PCDH17: variants seen among roughly 807,000 people sequenced by gnomAD.
PCDH17 encodes protocadherin 17.
PCDH17 carries 21 observed loss-of-function variants against 67.7 expected under a neutral mutation model. The ratio of observed to expected loss-of-function variants is 0.31; its 90% CI spans 0.22 to 0.45. PCDH17 has a LOEUF of 0.45. Among genes scored for constraint, PCDH17 ranks in the 20% least tolerant of loss-of-function variants. PCDH17 has a pLI of 1.00. For synonymous variants in PCDH17, 701 were observed against 656.7 expected, an observed-to-expected ratio of 1.07 and a Z score of -1.03; for missense variants, 1,471 against 1,564.8, an observed-to-expected ratio of 0.94 and a Z score of 1.01.
chr13:57,694,122 G>A (rs560069642), intron 3 of PCDH17, among the ~76,000 whole-genome samples: 1 of 151,290 alleles, frequency 6.6e-6, no homozygotes, highest in African/African-American at 2.4e-5. Flanking sequence ...ATTTGGCAAA[G>A]TTGAGTATTG....
intron 3 of PCDH17, among the ~76,000 whole-genome samples, chr13:57,700,321 C>CT (rs1238464454): frequency 0.055 from 7,588 of 137,850 alleles, 306 homozygotes; most frequent in African/African-American, 0.11. Flanking sequence ...CTCTCTCTCT[C>CT]TTTTTTTTTT....
At chr13:57,721,378 T>C (rs1436474891) in intron 3 of PCDH17, among the ~76,000 whole-genome samples, 1 of 151,362 alleles carries the variant, frequency 6.6e-6, no homozygotes, top group Non-Finnish European at 1.5e-5. Flanking sequence ...CTGGTGTATA[T>C]ATTGAATATA....
intron 1 of PCDH17, among the ~76,000 whole-genome samples, chr13:57,641,781 G>A (rs1041068737): frequency 6.7e-6 from 1 of 149,964 alleles, no homozygotes; most frequent in Admixed American, 6.7e-5. Context: ...TGATTGGCGC[G>A]TTTGCATATA....
intron 3 of PCDH17, among the ~76,000 whole-genome samples, chr13:57,709,123 ATT>A (rs1955749910): frequency 6.6e-6 from 1 of 150,772 alleles, no homozygotes; most frequent in South Asian, 2.1e-4. Context: ...ATATATATAT[ATT>A]TCTCATTGCT....
intron 3 of PCDH17, among the ~76,000 whole-genome samples, chr13:57,693,028 C>A (rs552874802): frequency 6.0e-5 from 9 of 150,552 alleles, no homozygotes; most frequent in Non-Finnish European, 1.0e-4. Flanking sequence ...AATTTCTCAG[C>A]TTTTCCATAG....
At chr13:57,653,509 A>G (rs944683773) in intron 1 of PCDH17, among the ~76,000 whole-genome samples, 1 of 152,198 alleles carries the variant, frequency 6.6e-6, no homozygotes, top group Non-Finnish European at 1.5e-5. Flanking sequence ...ATACTTACTC[A>G]TATTGAAACC....
At chr13:57,652,308 C>T (rs1325388596) in intron 1 of PCDH17, among the ~76,000 whole-genome samples, 3 of 147,118 alleles carry the variant, frequency 2.0e-5, no homozygotes, top group Admixed American at 6.8e-5. Context: ...AAAAAGAACA[C>T]TTACGACTAT....
At chr13:57,712,706 C>A (rs1955787257) in intron 3 of PCDH17, among the ~76,000 whole-genome samples, 1 of 151,320 alleles carries the variant, frequency 6.6e-6, no homozygotes, top group African/African-American at 2.4e-5. Flanking sequence ...AAGAAAAACT[C>A]AAATATAGCA....
intron 3 of PCDH17, among the ~76,000 whole-genome samples, chr13:57,707,662 G>A (rs1399834433): frequency 6.6e-6 from 1 of 152,016 alleles, no homozygotes; most frequent in Non-Finnish European, 1.5e-5. Flanking sequence ...AAAAATGACA[G>A]AAATTTATTA....
At chr13:57,718,893 A>T (rs935062399) in intron 3 of PCDH17, among the ~76,000 whole-genome samples, 7 of 152,040 alleles carry the variant, frequency 4.6e-5, no homozygotes, top group East Asian at 1.9e-4. Context: ...AGCTGCTGTT[A>T]TACCATTAAA....
intron 3 of PCDH17, among the ~76,000 whole-genome samples, chr13:57,686,294 A>G (rs1202026612): frequency 1.3e-5 from 2 of 152,026 alleles, no homozygotes; most frequent in Non-Finnish European, 2.9e-5. Context: ...TATTTTAAAA[A>G]TTACTAACGT....
rs893069522 is a variant in PCDH17 at position 57,722,454 on chromosome 13, G to T, written c.2798-2158G>T. On this transcript the variant is annotated intron_variant, in intron 3 of 3. Transcript: ENST00000377918. ...TTTCTACTTTTCCTTCTTTCTGAAA[G>T]ATAAAATTTGTTGAAAGTTATCTAT... is the stretch of plus-strand genomic sequence containing the variant. Among the ~76,000 whole-genome samples the T allele has an allele frequency of 2.0e-5, 3 of 152,068 alleles. 1 individual carries two copies. The highest frequency in any genetic ancestry group is 4.4e-5 in the Non-Finnish European group (3 of 68,002).
intron 3 of PCDH17, among the ~76,000 whole-genome samples, chr13:57,673,017 AG>A (rs1347750473): frequency 6.6e-6 from 1 of 151,988 alleles, no homozygotes; most frequent in Admixed American, 6.6e-5. Context: ...TCTATGTGTA[AG>A]TGTGCATTTG....
At chr13:57,655,516 G>GA (rs1207146617) in intron 1 of PCDH17, among the ~76,000 whole-genome samples, 3 of 151,688 alleles carry the variant, frequency 2.0e-5, no homozygotes, top group African/African-American at 7.3e-5. Context: ...ATAATGATGG[G>GA]AAAAAAGTAA....
chr13:57,686,322 G>A (rs545838281), intron 3 of PCDH17, among the ~76,000 whole-genome samples: 137 of 152,000 alleles, frequency 9.0e-4, no homozygotes, highest in African/African-American at 3.2e-3. Context: ...AAAGGACTGA[G>A]ACCAAATTTT....
At chr13:57,668,733 C>T (rs1283731056) in intron 3 of PCDH17, among the ~76,000 whole-genome samples, 4 of 152,014 alleles carry the variant, frequency 2.6e-5, no homozygotes, top group Admixed American at 1.3e-4. Flanking sequence ...GAATGCCACA[C>T]ATCCCTATTA....
chr13:57,701,754 A>C (rs1955664780), intron 3 of PCDH17, among the ~76,000 whole-genome samples: 1 of 152,150 alleles, frequency 6.6e-6, no homozygotes, highest in South Asian at 2.1e-4. Flanking sequence ...ATGACATAGA[A>C]GTAAAGAATA....
rs974128194 is a variant in PCDH17 at position 57,726,066 on chromosome 13, T to A, written c.*772T>A. ...AAAGATTTAAAATGCCTATTTAGCA[T>A]TTTAGTGTCCAACAAAGATTTAAAC... On this transcript the variant is annotated 3_prime_UTR_variant, in exon 4 of 4. Transcript: ENST00000377918. 1 of 152,624 alleles carries A rather than the reference T, an allele frequency of 6.6e-6. No homozygotes were observed. The highest frequency in any genetic ancestry group is 2.4e-5 in the African/African-American group (1 of 41,466). 9.5% of individuals were successfully genotyped at this position (152,624 alleles called of 1,614,324 possible).
At chr13:57,640,797 A>G (rs1954881710) in intron 1 of PCDH17, among the ~76,000 whole-genome samples, 1 of 152,058 alleles carries the variant, frequency 6.6e-6, no homozygotes, top group African/African-American at 2.4e-5. Flanking sequence ...AGCCACTATA[A>G]CTGGGCCCAT....
Sources: gnomAD v4.1 joint callset for allele counts (sites outside exome capture counted in the v4.1 genomes callset) on GRCh38, gnomAD v4.1.1 for gene constraint, MANE v1.5 for transcripts, NCBI Gene and HGNC (gene_info 2026-07-23, HGNC 2026-07-21) for gene names.